Variants in BDP1 observed in about 807,000 individuals in gnomAD.
BDP1 encodes the protein transcription factor TFIIIB component B'' homolog.
BDP1 carries 169 observed loss-of-function variants against 266.6 expected under a neutral mutation model. The ratio of observed to expected loss-of-function variants is 0.63; its 90% confidence interval spans 0.56 to 0.72. The LOEUF (loss-of-function observed/expected upper bound fraction) is 0.72. Ranked by LOEUF, BDP1 falls within the 30% of genes least tolerant of loss-of-function variation. The pLI, the probability that BDP1 is intolerant of heterozygous loss-of-function variation, is 0.00. For synonymous variants in BDP1, 1,090 were observed against 1,022.4 expected, an observed-to-expected ratio of 1.07 and a Z score of -1.26; for missense variants, 3,015 against 3,053.8, an observed-to-expected ratio of 0.99 and a Z score of 0.30.
At chr5:71,477,907 C>A (rs1762691448) in intron 7 of BDP1, among the ~76,000 whole-genome samples, 1 of 152,088 alleles carries the variant, frequency 6.6e-6, no homozygotes, top group African/African-American at 2.4e-5. Context: ...GCTGAGCCAC[C>A]ATACCTGGCC....
intron 7 of BDP1, among the ~76,000 whole-genome samples, chr5:71,480,731 T>G (rs1418364211): frequency 6.6e-6 from 1 of 151,764 alleles, no homozygotes; most frequent in African/African-American, 2.4e-5. Flanking sequence ...GCCTGGCTAA[T>G]TTTTGTATTT....
chr5:71,544,343 G>A lies in BDP1; in HGVS notation c.6413-14G>A. On this transcript the variant is annotated splice_polypyrimidine_tract_variant and intron_variant, in intron 30 of 38. Coordinates refer to ENST00000358731, the MANE Select transcript of BDP1 (RefSeq NM_018429.3). ...TTATTTTGGTCTATATCGTAAGTGT[G>A]CTTTTTGTTTAAGAAACAGAGAAAA... 5.6e-6 allele frequency: 9 copies of A among 1,605,996 alleles called. No individual in the cohort carries two copies. Among genetic ancestry groups the A allele is most frequent in the Non-Finnish European group, 7.6e-6 (9 of 1,177,678 alleles).
At chr5:71,568,901 A>C (rs1412641474), downstream of BDP1, among the ~76,000 whole-genome samples, 1 of 152,252 alleles carries the variant, frequency 6.6e-6, no homozygotes, top group East Asian at 1.9e-4. Flanking sequence ...GAAGTAAGAC[A>C]GTAAAATCAG....
In BDP1 at chr5:71,510,386, A is replaced by G; in HGVS notation, c.3294A>G (p.Ile1098Met). 6.2e-7 allele frequency: 1 copy of G among 1,614,160 alleles called. No homozygotes were observed. The highest frequency in any genetic ancestry group is 8.5e-7 in the Non-Finnish European group (1 of 1,180,022). ...EIDLEETERE[I>M]SPQENGLEEV... ...ATTTGGAAGAAACTGAAAGAGAAAT[A>G]TCCCCACAGGAAAATGGCCTAGAGG... Residue 1098 changes from isoleucine to methionine, a missense_variant, in exon 17 of 39, where the codon ATA (isoleucine) becomes ATG (methionine). Physicochemically the swap from Ile to Met is conservative, Grantham distance 10. Transcript: ENST00000358731.
chr5:71,492,830 A>C (rs1763672672), intron 11 of BDP1, among the ~76,000 whole-genome samples: 1 of 152,228 alleles, frequency 6.6e-6, no homozygotes, highest in East Asian at 1.9e-4. Context: ...AAAGCTGTTT[A>C]CTATTTTTAA....
At chr5:71,574,432 A>G in the BDP1 span, among the ~76,000 whole-genome samples, 2 of 152,006 alleles carry the variant, frequency 1.3e-5, no homozygotes, top group Admixed American at 6.6e-5. Context: ...TCAGACCACA[A>G]CCCCATTTCA....
intron 25 of BDP1, among the ~76,000 whole-genome samples, chr5:71,527,975 C>T (rs577435096): frequency 5.9e-5 from 9 of 152,142 alleles, no homozygotes; most frequent in Non-Finnish European, 7.4e-5. Context: ...CCTGCCACCA[C>T]ACCCAGCTAA....
In BDP1 at chr5:71,542,188, G is replaced by T; in HGVS notation, c.6335G>T (p.Gly2112Val). ...KPKPNLEKTL[G>V]TNRLDDYQEV... ...AAACCAAATCTTGAGAAGACTTTAGGGACCAACAGGCTTGATGATTATCAG... is the reference window on the plus strand; with the variant it reads ...AAACCAAATCTTGAGAAGACTTTAGTGACCAACAGGCTTGATGATTATCAG... The change falls in exon 30 of 39, where the codon GGG becomes GTG. Residue 2112 changes from glycine to valine, a missense_variant. Coordinates refer to ENST00000358731, the MANE Select transcript of BDP1 (RefSeq NM_018429.3). 6.2e-7 allele frequency: 1 copy of T among 1,613,470 alleles called. No individual in the cohort carries two copies. The highest frequency in any genetic ancestry group is 8.5e-7 in the Non-Finnish European group (1 of 1,179,738).
At chr5:71,541,788 C>A in intron 29 of BDP1, 106 bp downstream of exon 29, 3 of 721,788 alleles carry the variant, frequency 4.2e-6, no homozygotes, top group South Asian at 2.5e-5. Flanking sequence ...TAATTTCTTA[C>A]CCTTTAAAGA....
At chr5:71,503,176 A>G (rs1421178010) in intron 15 of BDP1, among the ~76,000 whole-genome samples, 1 of 152,094 alleles carries the variant, frequency 6.6e-6, no homozygotes, top group African/African-American at 2.4e-5. Flanking sequence ...TAGTAGAGAC[A>G]GTGTTTTGCC....
At position 71,472,738 on chromosome 5, in the gene BDP1, G is replaced by A. The variant is rs1208286559; in HGVS notation, c.1014+2249G>A. 2.0e-5 allele frequency among the ~76,000 whole-genome samples: 3 copies of A among 151,970 alleles called. No homozygotes were observed. The East Asian group carries it at 5.8e-4, about 29-fold the overall frequency. ...AAAAGTGTTCCCTCTTCTATTTTCT[G>A]AAATAATTTGTTGAAGATCAGTATT... On this transcript the variant is annotated intron_variant, in intron 7 of 38. Coordinates refer to ENST00000358731, the MANE Select transcript of BDP1 (RefSeq NM_018429.3).
At chr5:71,508,302 GT>G (rs1009195200) in intron 16 of BDP1, among the ~76,000 whole-genome samples, 4 of 151,748 alleles carry the variant, frequency 2.6e-5, no homozygotes, top group African/African-American at 9.7e-5. Flanking sequence ...TATTTGTTTT[GT>G]TTTTTGTTTG....
At chr5:71,467,206 C>G in intron 5 of BDP1, 148 bp from the exon 6 acceptor site, 1 of 643,592 alleles carries the variant, frequency 1.6e-6, no homozygotes, top group Non-Finnish European at 2.6e-6. Context: ...TTAGCAGATG[C>G]TTGGAAAATA....
At chr5:71,544,267 A>C (rs993138295) in intron 30 of BDP1, 90 bp from the exon 31 acceptor site, 2 of 1,230,040 alleles carry the variant, frequency 1.6e-6, no homozygotes, top group Non-Finnish European at 2.3e-6. Flanking sequence ...ACTATATAGG[A>C]ATCTTCCTTT....
intron 8 of BDP1, among the ~76,000 whole-genome samples, chr5:71,485,272 A>G (rs1345955786): frequency 1.3e-5 from 2 of 152,206 alleles, no homozygotes; most frequent in African/African-American, 2.4e-5. Flanking sequence ...CAACACAGCA[A>G]GATCCTATCT....
chr5:71,483,194 C>T (rs1237216050), intron 7 of BDP1, among the ~76,000 whole-genome samples: 1 of 150,990 alleles, frequency 6.6e-6, no homozygotes, highest in Non-Finnish European at 1.5e-5. Flanking sequence ...TGTTTGTTTC[C>T]TCTCCTACGA....
chr5:71,518,706 G>A (rs1372338776), intron 22 of BDP1, among the ~76,000 whole-genome samples: 1 of 151,628 alleles, frequency 6.6e-6, no homozygotes, highest in Non-Finnish European at 1.5e-5. Context: ...CGCCCATCTC[G>A]GCCTCCCAAA....
At chr5:71,505,152 G>C (rs1047238792) in intron 16 of BDP1, among the ~76,000 whole-genome samples, 2 of 152,038 alleles carry the variant, frequency 1.3e-5, no homozygotes, top group African/African-American at 4.8e-5. Context: ...GATTACAGGT[G>C]CCTGCCACCA....
chr5:71,526,634 A>AAAG (rs1202272104), intron 25 of BDP1, among the ~76,000 whole-genome samples: 8 of 149,228 alleles, frequency 5.4e-5, no homozygotes, highest in Admixed American at 6.6e-5. Context: ...AAAAAAAAAA[A>AAAG]AAGAAGAGTG....
Sources: gnomAD v4.1 joint callset for allele counts (sites outside exome capture counted in the v4.1 genomes callset) on GRCh38, gnomAD v4.1.1 for gene constraint, MANE v1.5 for transcripts, NCBI Gene and HGNC (gene_info 2026-07-23, HGNC 2026-07-21) for gene names.